Variants in RANBP2 observed in about 807,000 individuals in gnomAD.
RANBP2 encodes RAN binding protein 2.
A neutral mutation model predicts 303.6 loss-of-function variants in RANBP2; 57 were observed. That is an observed-to-expected ratio of 0.19 (90% CI 0.15 to 0.23). The LOEUF (loss-of-function observed/expected upper bound fraction) is 0.23, where lower values mean the gene tolerates loss of function less well. Ranked by LOEUF, RANBP2 falls within the 10% of genes least tolerant of loss-of-function variation. The pLI, the probability that RANBP2 is intolerant of heterozygous loss-of-function variation, is 1.00. For missense variants in RANBP2, 3,138 were observed against 3,780.8 expected, an observed-to-expected ratio of 0.83 and a Z score of 4.46; for synonymous variants, 1,167 against 1,301.5, an observed-to-expected ratio of 0.90 and a Z score of 2.23.
chr2:109,199,612 T>TCAACTC, the RANBP2 span, among the ~76,000 whole-genome samples: 1 of 336 alleles, frequency 3.0e-3, no homozygotes, highest in Non-Finnish European at 6.9e-3. Context: ...TGGAATGGAA[T>TCAACTC]GGAATGGAAT....
chr2:108,720,964 G>A (rs1258053092), intron 1 of RANBP2, among the ~76,000 whole-genome samples: 1 of 152,070 alleles, frequency 6.6e-6, no homozygotes, highest in Non-Finnish European at 1.5e-5. Context: ...CAGGAGAGTC[G>A]CTTGAACCCG....
chr2:109,235,590 C>CT, the RANBP2 span, among the ~76,000 whole-genome samples: 1 of 152,224 alleles, frequency 6.6e-6, no homozygotes, highest in African/African-American at 2.4e-5. Flanking sequence ...TTGAGAGATG[C>CT]CATGGCATGG....
chr2:108,855,225 T>G, the RANBP2 span, among the ~76,000 whole-genome samples: 1 of 152,120 alleles, frequency 6.6e-6, no homozygotes, highest in Non-Finnish European at 1.5e-5. Flanking sequence ...AAAGATAAGG[T>G]CACTTGTGAA....
At chr2:109,217,246 G>T in the RANBP2 span, among the ~76,000 whole-genome samples, 50 of 152,294 alleles carry the variant, frequency 3.3e-4, 1 homozygote, top group South Asian at 8.7e-3. Flanking sequence ...ATAAAATTCT[G>T]TCTTCCATTG....
At chr2:109,300,846 C>T in the RANBP2 span, among the ~76,000 whole-genome samples, 3 of 152,188 alleles carry the variant, frequency 2.0e-5, no homozygotes, top group East Asian at 3.9e-4. Flanking sequence ...AAGGCTCCTA[C>T]TAAATCAGAA....
At chr2:109,492,842 G>A in the RANBP2 span, among the ~76,000 whole-genome samples, 14 of 152,170 alleles carry the variant, frequency 9.2e-5, 1 homozygote, top group East Asian at 1.4e-3. Context: ...ACATGTCACA[G>A]CTCCTCCAGG....
intron 7 of RANBP2, among the ~76,000 whole-genome samples, chr2:108,741,201 AT>A (rs903850810): frequency 6.6e-6 from 1 of 151,852 alleles, no homozygotes; most frequent in Admixed American, 6.6e-5. Flanking sequence ...CTTAATTTTT[AT>A]TTTTTTATTT....
At chr2:108,875,611 A>G in the RANBP2 span, among the ~76,000 whole-genome samples, 1 of 152,208 alleles carries the variant, frequency 6.6e-6, no homozygotes, top group Admixed American at 6.5e-5. Context: ...TAGTCTCAGC[A>G]CTTTGGGAGG....
At chr2:109,456,345 T>C in the RANBP2 span, among the ~76,000 whole-genome samples, 1 of 152,216 alleles carries the variant, frequency 6.6e-6, no homozygotes, top group East Asian at 1.9e-4. Flanking sequence ...AGCCAGCATG[T>C]GCGGCTGAAA....
the RANBP2 span, among the ~76,000 whole-genome samples, chr2:109,571,770 A>G: frequency 5.3e-5 from 8 of 152,178 alleles, no homozygotes; most frequent in East Asian, 1.9e-4. Context: ...ACTAGTTGTT[A>G]TAAGAGTTTG....
chr2:108,810,850 T>C, the RANBP2 span, among the ~76,000 whole-genome samples: 1 of 152,244 alleles, frequency 6.6e-6, no homozygotes, highest in African/African-American at 2.4e-5. Flanking sequence ...TTACTACAAT[T>C]CAATCTTGTT....
At chr2:109,463,927 T>C in the RANBP2 span, among the ~76,000 whole-genome samples, 1 of 152,078 alleles carries the variant, frequency 6.6e-6, no homozygotes. Context: ...TAGAGTCTTC[T>C]CTTAGAAAGA....
chr2:109,323,119 A>C, the RANBP2 span, among the ~76,000 whole-genome samples: 1 of 152,198 alleles, frequency 6.6e-6, no homozygotes, highest in Non-Finnish European at 1.5e-5. Flanking sequence ...CCGGGCTCCC[A>C]GCATATGCTC....
the RANBP2 span, among the ~76,000 whole-genome samples, chr2:108,861,971 T>C: frequency 1.3e-5 from 2 of 152,108 alleles, no homozygotes; most frequent in Admixed American, 6.5e-5. Context: ...CATTCGGGAG[T>C]AAATTCTTTA....
At chr2:109,339,952 T>G in the RANBP2 span, among the ~76,000 whole-genome samples, 1 of 152,270 alleles carries the variant, frequency 6.6e-6, no homozygotes, top group East Asian at 1.9e-4. Context: ...GGCAGGTGGT[T>G]GGAAGCTGGT....
chr2:109,204,873 T>A, the RANBP2 span, among the ~76,000 whole-genome samples: 105,397 of 152,084 alleles, frequency 0.69, 37,991 homozygotes, highest in Middle Eastern at 0.84. Context: ...TAAAGGCTTT[T>A]TTGTGTTCCA....
chr2:109,716,501 C>T, the RANBP2 span, among the ~76,000 whole-genome samples: 4 of 151,972 alleles, frequency 2.6e-5, no homozygotes, highest in Non-Finnish European at 1.5e-5. Context: ...CCACCCGCCT[C>T]GGCCTCCCAA....
the RANBP2 span, among the ~76,000 whole-genome samples, chr2:109,077,679 C>T: frequency 6.7e-6 from 1 of 150,306 alleles, no homozygotes; most frequent in Non-Finnish European, 1.5e-5. Context: ...AGAGGACATA[C>T]ATACAAATGT....
At chr2:108,873,376 T>G in the RANBP2 span, 2 of 1,293,884 alleles carry the variant, frequency 1.5e-6, no homozygotes, top group Non-Finnish European at 1.0e-6. Flanking sequence ...CCTCACATAG[T>G]TCTGATTTTA....
Sources: allele counts gnomAD v4.1 joint callset (sites outside exome capture counted in the v4.1 genomes callset), GRCh38; gene constraint gnomAD v4.1.1; transcripts MANE v1.5; gene names NCBI Gene and HGNC (gene_info 2026-07-23, HGNC 2026-07-21).